Variants in ASB16 observed in about 807,000 individuals in gnomAD.
The protein encoded by ASB16 is ankyrin repeat and SOCS box containing 16, also known as ankyrin repeat and SOCS box protein 16.
ASB16 carries 44 observed loss-of-function variants against 39.1 expected under a neutral mutation model. The observed-to-expected ratio is 1.13, with a 90% CI of 0.88 to 1.45. The LOEUF (loss-of-function observed/expected upper bound fraction) is 1.45, where lower values mean the gene tolerates loss of function less well. Ranked by LOEUF, ASB16 falls within the 40% of genes most tolerant of loss-of-function variation. The pLI is 0.00. For synonymous variants in ASB16, 305 were observed against 286.7 expected, an observed-to-expected ratio of 1.06 and a Z score of -0.64; for missense variants, 698 against 634.5, an observed-to-expected ratio of 1.10 and a Z score of -1.07.
chr17:44,177,329 A>C, intron 3 of ASB16, 99 bp downstream of exon 3: 1 of 1,421,630 alleles, frequency 7.0e-7, no homozygotes, highest in Non-Finnish European at 9.3e-7. Context: ...AAGAGACTGA[A>C]AGCCTGCCCT....
intron 2 of ASB16, among the ~76,000 whole-genome samples, chr17:44,173,083 TAAAAAAAA>T (rs770273961): frequency 1.3e-5 from 1 of 77,568 alleles, no homozygotes; most frequent in Non-Finnish European, 2.6e-5. Flanking sequence ...GAGACTGTCT[TAAAAAAAA>T]AAAAAAAAAA....
chr17:44,172,010 T>TA (rs1225050524), intron 1 of ASB16, 36 bp from the exon 2 acceptor site: 3 of 1,594,262 alleles, frequency 1.9e-6, no homozygotes, highest in Non-Finnish European at 1.7e-6. Flanking sequence ...TGCCCTGTCT[T>TA]ATACACCACC....
chr17:44,177,048 A>G lies in ASB16; in HGVS notation c.880A>G (p.Asn294Asp), dbSNP rs1366753531. Residue 294 changes from asparagine to aspartate, a missense_variant, in exon 3 of 5, where the codon AAC becomes GAC. By Grantham distance (23) the Asn-to-Asp change is conservative. Transcript: ENST00000293414. Reference sequence around the variant, plus strand: ...CACGCCGCTGCACAACGCTTGTGCCAACGGCTGCGGGGGCCTGGCCGAGCT... The same window carrying G: ...CACGCCGCTGCACAACGCTTGTGCCGACGGCTGCGGGGGCCTGGCCGAGCT... The part of the protein sequence containing the change: ...RHTPLHNACA[N>D]GCGGLAELLL... 1 of 1,484,968 alleles carries G rather than the reference A, an allele frequency of 6.7e-7. No individual in the cohort carries two copies. Among genetic ancestry groups the G allele is most frequent in the Non-Finnish European group, 8.8e-7 (1 of 1,130,160 alleles). 92.0% of individuals were successfully genotyped at this position (1,484,968 alleles called of 1,614,324 possible). A position where few individuals can be genotyped will look rare whatever the true frequency, so the allele number is the denominator to read the frequency against.
At chr17:44,174,744 CTAAG>C (rs1294501459) in intron 2 of ASB16, among the ~76,000 whole-genome samples, 6 of 152,262 alleles carry the variant, frequency 3.9e-5, no homozygotes, top group African/African-American at 1.4e-4. Context: ...CTTCATCTTT[CTAAG>C]TAAGATGAGA....
intron 2 of ASB16, among the ~76,000 whole-genome samples, chr17:44,173,538 T>G (rs1411597945): frequency 6.9e-6 from 1 of 145,856 alleles, no homozygotes; most frequent in Non-Finnish European, 1.5e-5. Context: ...CTACTAAAAA[T>G]AAAAACTAGC....
At position 44,177,110 on chromosome 17, in the gene ASB16, T is replaced by C. The variant is rs2054306914; in HGVS notation, c.942T>C (p.Asn314=). The C allele has an allele frequency of 2.0e-6, 3 of 1,484,928 alleles. No homozygotes were observed. The highest frequency in any genetic ancestry group is 2.7e-6 in the Non-Finnish European group (3 of 1,126,634). 92.0% of individuals were successfully genotyped at this position (1,484,928 alleles called of 1,614,324 possible). A position where few individuals can be genotyped will look rare whatever the true frequency, so the allele number is the denominator to read the frequency against. The change falls in exon 3 of 5, where the codon AAT becomes AAC. Residue 314 remains asparagine (N), a synonymous_variant. Coordinates refer to ENST00000293414, the MANE Select transcript of ASB16 (RefSeq NM_080863.5). ...ACGGGGCCCGCGCTGAGGTCCCCAA[T>C]GGGGCGGGCCACACGCCCATGGACT... ...LRYGARAEVP[N]GAGHTPMDCA...
intron 2 of ASB16, 106 bp from the exon 3 acceptor site, chr17:44,176,632 A>G: frequency 6.6e-7 from 1 of 1,511,100 alleles, no homozygotes; most frequent in Non-Finnish European, 9.2e-7. Context: ...GACACCAGGT[A>G]GGACCTCAAG....
chr17:44,178,197 T>C lies in ASB16; in HGVS notation c.1177-8T>C. The stretch of plus-strand genomic sequence containing the variant: ...GGGTCATCTGACCTTCTTTCACTCC[T>C]GGCCTAGGAGCACGAAGCCTTCTAC... On this transcript the variant is annotated splice_region_variant and splice_polypyrimidine_tract_variant and intron_variant, in intron 4 of 4. Coordinates refer to ENST00000293414, the MANE Select transcript of ASB16 (RefSeq NM_080863.5). 6.2e-7 allele frequency: 1 copy of C among 1,612,428 alleles called. No homozygotes were observed. The highest frequency in any genetic ancestry group is 8.5e-7 in the Non-Finnish European group (1 of 1,179,966).
At chr17:44,174,868 C>T (rs1274290525) in intron 2 of ASB16, among the ~76,000 whole-genome samples, 1 of 152,216 alleles carries the variant, frequency 6.6e-6, no homozygotes, top group Non-Finnish European at 1.5e-5. Context: ...CTTTGGGAGG[C>T]TGAGGCAGGC....
intron 2 of ASB16, among the ~76,000 whole-genome samples, chr17:44,175,492 C>T (rs1480415599): frequency 6.6e-6 from 1 of 150,574 alleles, no homozygotes; most frequent in Non-Finnish European, 1.5e-5. Flanking sequence ...AATTCAGTAG[C>T]TTATGGAAGA....
At chr17:44,172,441 T>C (rs2054251252) in intron 2 of ASB16, 128 bp downstream of exon 2, 3 of 1,082,042 alleles carry the variant, frequency 2.8e-6, no homozygotes, top group South Asian at 3.2e-5. Flanking sequence ...CATATACACA[T>C]CTTCACAATA....
rs928202141 is a variant in ASB16, at chr17:44,171,918, G to C, written c.302-128G>C. On this transcript the variant is annotated intron_variant, in intron 1 of 4. Transcript: ENST00000293414. ...AGCCCCCTTCCACAGGTACAGCCTG[G>C]CAGTGTTTGTGCTCAGCAAACCATG... The C allele has an allele frequency of 4.3e-6, 4 of 932,226 alleles. No homozygotes were observed. In the African/African-American group the frequency reaches 6.6e-5, roughly 15 times the overall value. The allele number at this position is 932,226 out of a possible 1,614,324, so 57.7% of individuals were successfully genotyped here.
At chr17:44,175,985 T>G (rs74900589) in intron 2 of ASB16, 2 of 152,118 alleles carry the variant, frequency 1.3e-5, no homozygotes, top group African/African-American at 4.8e-5. Flanking sequence ...TATTTTTTTT[T>G]GGTGCATACT....
chr17:44,178,040 G>T (rs1420493593), intron 4 of ASB16, 165 bp from the exon 5 acceptor site: 3 of 751,076 alleles, frequency 4.0e-6, no homozygotes, highest in Non-Finnish European at 6.5e-6. Flanking sequence ...TGGAGCCCCA[G>T]CCCGCATTAT....
In ASB16 at chr17:44,178,322, A is replaced by G. The variant is rs75202399; in HGVS notation, c.1294A>G (p.Thr432Ala). ...GGGAAGCCGCTGCCGGCAGGGTGCC[A>G]CCCGGCTGCCACTGCCCCCGCTCCT... ...RLGSRCRQGA[T>A]RLPLPPLLRD... The change falls in exon 5 of 5, where the codon ACC becomes GCC. Residue 432 changes from threonine to alanine, a missense_variant. Thr to Ala is a moderately conservative substitution (Grantham distance 58, BLOSUM62 0). Coordinates refer to ENST00000293414, the MANE Select transcript of ASB16 (RefSeq NM_080863.5). The G allele has an allele frequency of 6.2e-6, 10 of 1,610,348 alleles. No individual in the cohort carries two copies. The highest frequency in any genetic ancestry group is 8.5e-6 in the Non-Finnish European group (10 of 1,178,966).
In ASB16 at chr17:44,176,777, C is replaced by T. The variant is rs2054296154; in HGVS notation, c.609C>T (p.Asn203=). The T allele has an allele frequency of 6.2e-7, 1 of 1,613,822 alleles. No homozygotes were observed. The highest frequency in any genetic ancestry group is 8.5e-7 in the Non-Finnish European group (1 of 1,179,942). ...TGCTGGAAGCAGGAGCGACGGTGAA[C>T]CTGGCAGCAGGCGAGAGCCAGGAGA... is the stretch of plus-strand genomic sequence containing the variant. ...KLLLEAGATV[N]LAAGESQETP... Residue 203 remains asparagine (N), a synonymous_variant, in exon 3 of 5, where the codon AAC becomes AAT. Transcript: ENST00000293414.
At position 44,176,789 on chromosome 17, in the gene ASB16, C is replaced by T. The variant is rs375066415; in HGVS notation, c.621C>T (p.Gly207=). ...EAGATVNLAA[G]ESQETPLHVA... ...GAGCGACGGTGAACCTGGCAGCAGG[C>T]GAGAGCCAGGAGACGCCCCTGCACG... Residue 207 remains glycine, a synonymous_variant, in exon 3 of 5, where the codon GGC becomes GGT. Transcript: ENST00000293414. The T allele has an allele frequency of 9.3e-6, 15 of 1,613,640 alleles. No individual in the cohort carries two copies. In the African/African-American group the frequency reaches 1.9e-4, roughly 20 times the overall value.
chr17:44,176,477 C>T, intron 2 of ASB16: 1 of 577,782 alleles, frequency 1.7e-6, no homozygotes, highest in Non-Finnish European at 3.1e-6. Flanking sequence ...ATTTCTGGTG[C>T]AGCCACTAAC....
intron 3 of ASB16, 162 bp downstream of exon 3, chr17:44,177,392 G>C (rs1157959006): frequency 8.2e-7 from 1 of 1,219,488 alleles, no homozygotes; most frequent in African/African-American, 1.6e-5. Context: ...GATTCTGGGA[G>C]AGAGAGTCCA....
Sources: allele counts gnomAD v4.1 joint callset (sites outside exome capture counted in the v4.1 genomes callset), GRCh38; gene constraint gnomAD v4.1.1; transcripts MANE v1.5; gene names NCBI Gene and HGNC (gene_info 2026-07-23, HGNC 2026-07-21).